The following DLEC1 variants were observed in gnomAD, a reference collection of about 807,000 sequenced individuals.
DLEC1 encodes the protein DLEC1 cilia and flagella associated protein, also known as deleted in lung and esophageal cancer protein 1.
In DLEC1, 146 loss-of-function variants were observed where a neutral mutation model predicts 198.1. The observed-to-expected ratio is 0.74, with a 90% confidence interval of 0.64 to 0.85. The LOEUF is 0.85. DLEC1 is among the 40% of genes least tolerant of loss of function. The pLI, the probability that DLEC1 is intolerant of heterozygous loss-of-function variation, is 0.00. For synonymous variants in DLEC1, 897 were observed against 866.8 expected, an observed-to-expected ratio of 1.03 and a Z score of -0.61; for missense variants, 2,233 against 2,220.0, an observed-to-expected ratio of 1.01 and a Z score of -0.12.
At chr3:38,116,067 G>A (rs1288264357) in intron 27 of DLEC1, among the ~76,000 whole-genome samples, 2 of 152,106 alleles carry the variant, frequency 1.3e-5, no homozygotes, top group Non-Finnish European at 2.9e-5. Flanking sequence ...GGAAGGACGT[G>A]AAAGCTGACA....
intron 1 of DLEC1, among the ~76,000 whole-genome samples, chr3:38,042,081 C>T (rs1461171741): frequency 6.6e-6 from 1 of 151,986 alleles, no homozygotes; most frequent in Admixed American, 6.6e-5. Context: ...CAACTTCCGT[C>T]TCCTGGGTTC....
intron 2 of DLEC1, among the ~76,000 whole-genome samples, chr3:38,049,854 G>A (rs1701032277): frequency 6.6e-6 from 1 of 152,208 alleles, no homozygotes; most frequent in Non-Finnish European, 1.5e-5. Flanking sequence ...GCTAGTTTGT[G>A]TCAACTTGGC....
intron 11 of DLEC1, 141 bp from the exon 12 acceptor site, chr3:38,093,464 C>T (rs1698845087): frequency 1.0e-6 from 1 of 970,842 alleles, no homozygotes; most frequent in Non-Finnish European, 1.5e-6. Context: ...GCGGATATCC[C>T]CCTTTTCCCT....
rs34604565 is a variant in DLEC1, at chr3:38,112,840, G to C, written c.3666+479G>C. 0.23 allele frequency among the ~76,000 whole-genome samples: 34,490 copies of C among 152,116 alleles called. 4,059 individuals are homozygous for C. The highest frequency in any genetic ancestry group is 0.34 in the East Asian group (1,747 of 5,170). On this transcript the variant is annotated intron_variant, in intron 25 of 36. Coordinates refer to ENST00000308059, the MANE Select transcript of DLEC1 (RefSeq NM_007335.4). This position sits in a 1 kb window ranked among gnomAD's most constrained non-coding sequence, Gnocchi z 4.8. ...GTTCCTGTGTGGGCCGCTGTAGTGT[G>C]GAGGATACAGGGATGAATAAGGTAA...
At chr3:38,105,647 A>G (rs1204288095) in intron 19 of DLEC1, among the ~76,000 whole-genome samples, 2 of 151,970 alleles carry the variant, frequency 1.3e-5, no homozygotes, top group Non-Finnish European at 2.9e-5. Context: ...CTTTGAAACT[A>G]TTTGTGTCTT....
At chr3:38,058,466 T>G (rs919678364) in intron 2 of DLEC1, among the ~76,000 whole-genome samples, 4 of 152,180 alleles carry the variant, frequency 2.6e-5, no homozygotes, top group African/African-American at 9.7e-5. Context: ...AGTGTGGAAA[T>G]GCCCACTCCC....
In DLEC1 at chr3:38,063,611, G is replaced by C. The variant is rs540382942; in HGVS notation, c.1095-230G>C. On this transcript the variant is annotated intron_variant, in intron 5 of 36. Coordinates refer to ENST00000308059, the MANE Select transcript of DLEC1 (RefSeq NM_007335.4). ...ATGTAGAGTTTTTCCTATGCATATT[G>C]AAAATGAAATATGTAGCTACTTATG... 3.9e-5 allele frequency among the ~76,000 whole-genome samples: 6 copies of C among 152,286 alleles called. No homozygotes were observed. In the South Asian group the frequency reaches 1.2e-3, roughly 32 times the overall value.
intron 12 of DLEC1, 107 bp from the exon 13 acceptor site, chr3:38,094,772 C>G: frequency 2.2e-6 from 3 of 1,336,154 alleles, no homozygotes; most frequent in South Asian, 2.8e-5. Context: ...TCTTCCTGTT[C>G]CTAGGTCCTT....
chr3:38,072,900 T>G (rs1575420043), intron 6 of DLEC1, among the ~76,000 whole-genome samples: 1 of 152,094 alleles, frequency 6.6e-6, no homozygotes, highest in Non-Finnish European at 1.5e-5. Flanking sequence ...TGTGTCTTGT[T>G]GAGAAGATTC....
At chr3:38,111,206 T>A (rs1699859537) in intron 23 of DLEC1, among the ~76,000 whole-genome samples, 1 of 151,906 alleles carries the variant, frequency 6.6e-6, no homozygotes, top group African/African-American at 2.4e-5. Context: ...CGGCTATGGG[T>A]GGAAGGCGAC....
chr3:38,054,897 T>A (rs1696274414), intron 2 of DLEC1, among the ~76,000 whole-genome samples: 1 of 152,166 alleles, frequency 6.6e-6, no homozygotes, highest in Non-Finnish European at 1.5e-5. Context: ...GAACCCAGCC[T>A]TTGACATCCT....
At chr3:38,056,110 CACACACAA>C (rs1485936507) in intron 2 of DLEC1, among the ~76,000 whole-genome samples, 7 of 124,892 alleles carry the variant, frequency 5.6e-5, no homozygotes, top group African/African-American at 2.1e-4. Flanking sequence ...CACACACACA[CACACACAA>C]ATAGCTGAGT....
chr3:38,069,949 G>A (rs1176679298), intron 6 of DLEC1, among the ~76,000 whole-genome samples: 1 of 152,240 alleles, frequency 6.6e-6, no homozygotes, highest in Admixed American at 6.5e-5. Flanking sequence ...GGGGCTGGTA[G>A]AGGATTTCAA....
At chr3:38,101,929 CT>C (rs1699329010) in intron 19 of DLEC1, among the ~76,000 whole-genome samples, 2 of 152,100 alleles carry the variant, frequency 1.3e-5, no homozygotes, top group South Asian at 4.2e-4. Context: ...CTGAAAGGAC[CT>C]TGTATTATCA....
intron 18 of DLEC1, 145 bp downstream of exon 18, chr3:38,098,047 C>A: frequency 1.0e-6 from 1 of 995,270 alleles, no homozygotes; most frequent in Admixed American, 2.6e-5. Flanking sequence ...CCTGGCGGTG[C>A]CTCCTGTTCT....
Position 38,112,067 on chromosome 3 carries a change from C to A in DLEC1, c.3515-143C>A. On this transcript the variant is annotated intron_variant, in intron 24 of 36. Coordinates refer to ENST00000308059, the MANE Select transcript of DLEC1 (RefSeq NM_007335.4). The surrounding 1 kb of genome is among the most constrained non-coding windows in gnomAD (Gnocchi z 4.8). The stretch of plus-strand genomic sequence containing the variant: ...TAGCTTGCCTCTGGATTCCAGGCTC[C>A]CAGGAGGAGGGCACATGTAGCCTGA... 1 of 1,336,356 alleles carries A rather than the reference C, an allele frequency of 7.5e-7. No homozygotes were observed. Among genetic ancestry groups the A allele is most frequent in the Non-Finnish European group, 1.0e-6 (1 of 963,396 alleles). The allele number at this position is 1,336,356 out of a possible 1,614,324, so 82.8% of individuals were successfully genotyped here.
intron 4 of DLEC1, 84 bp from the exon 5 acceptor site, chr3:38,062,497 C>T (rs1440851388): frequency 6.3e-7 from 1 of 1,578,742 alleles, no homozygotes; most frequent in African/African-American, 1.3e-5. Flanking sequence ...TGTTGGCCAT[C>T]TATGGGTCAT....
chr3:38,045,463 C>A, intron 1 of DLEC1, 80 bp from the exon 2 acceptor site: 1 of 1,513,446 alleles, frequency 6.6e-7, no homozygotes, highest in African/African-American at 1.4e-5. Context: ...AAGCCCTGAT[C>A]CTGGGGTAGG....
intron 20 of DLEC1, 61 bp downstream of exon 20, chr3:38,107,798 GA>G (rs1699646666): frequency 6.4e-7 from 1 of 1,566,680 alleles, no homozygotes; most frequent in Admixed American, 1.8e-5. Context: ...GGCCCACATA[GA>G]GGGGGGCATT....
Sources: gnomAD v4.1 joint callset for allele counts (sites outside exome capture counted in the v4.1 genomes callset) on GRCh38, gnomAD v4.1.1 for gene constraint, Gnocchi (gnomAD v3.1) non-coding constraint, MANE v1.5 for transcripts, NCBI Gene and HGNC (gene_info 2026-07-23, HGNC 2026-07-21) for gene names.